Variants in SLC8B1 observed in about 807,000 individuals in gnomAD.
SLC8B1 encodes solute carrier family 8 member B1.
Under a neutral mutation model 63.4 loss-of-function variants are expected in SLC8B1, and 52 were observed. The observed-to-expected ratio is 0.82, with a 90% CI of 0.66 to 1.03. The LOEUF (loss-of-function observed/expected upper bound fraction) is 1.03, where lower values mean the gene tolerates loss of function less well. Ranked by LOEUF, SLC8B1 falls within the 50% of genes least tolerant of loss-of-function variation. The probability of loss-of-function intolerance (pLI) is 0.00; values close to 1 mark genes in which losing one functional copy is unlikely to be tolerated. For missense variants in SLC8B1, 657 were observed against 741.7 expected (o/e 0.89, Z 1.33); for synonymous variants, 336 against 323.9 (o/e 1.04, Z -0.40).
chr12:113,314,593 G>C (rs545310601), intron 11 of SLC8B1, among the ~76,000 whole-genome samples: 1 of 152,204 alleles, frequency 6.6e-6, no homozygotes, highest in Non-Finnish European at 1.5e-5. Context: ...GTGGGGACCA[G>C]CCAGGTCACA....
chr12:113,311,721 T>TA lies in SLC8B1; in HGVS notation c.1136-1367_1136-1366insT, dbSNP rs1491035671. On this transcript the variant is annotated intron_variant, in intron 11 of 15. Coordinates refer to ENST00000680972, the MANE Select transcript of SLC8B1 (RefSeq NM_001358345.2). Reference sequence around the variant, plus strand: ...GATTTTTTTTTTTTTTTTTTTTTTTTTAGACAGGGTCTCGATGTATCAACC... The same window carrying TA: ...GATTTTTTTTTTTTTTTTTTTTTTTTATAGACAGGGTCTCGATGTATCAACC... 5.5e-3 allele frequency among the ~76,000 whole-genome samples: 519 copies of TA among 94,528 alleles called. 3 individuals carry two copies. Among genetic ancestry groups the TA allele is most frequent in the African/African-American group, 0.026 (490 of 18,568 alleles). The allele number at this position is 94,528 out of a possible 152,430, so 62.0% of individuals were successfully genotyped here. A position where few individuals can be genotyped will look rare whatever the true frequency, so the allele number is the denominator to read the frequency against.
intron 15 of SLC8B1, among the ~76,000 whole-genome samples, chr12:113,303,991 C>A (rs11837933): frequency 6.6e-6 from 1 of 152,082 alleles, no homozygotes; most frequent in African/African-American, 2.4e-5. Context: ...AGTGATTCCC[C>A]TGCCTCAGCC....
rs1956539031 is a variant in SLC8B1, at chr12:113,299,497, T to G, written c.*280A>C. On this transcript the variant is annotated 3_prime_UTR_variant, in exon 16 of 16. Coordinates refer to ENST00000680972, the MANE Select transcript of SLC8B1 (RefSeq NM_001358345.2). ...ACTCCAGCCCTTCTCAGAGGGGCTC[T>G]GGGGGTCATTCAAGGGGGACTTCTA... 2.4e-6 allele frequency: 1 copy of G among 416,936 alleles called. No homozygotes were observed. 25.8% of individuals were successfully genotyped at this position (416,936 alleles called of 1,614,324 possible).
intron 8 of SLC8B1, 111 bp downstream of exon 8, chr12:113,318,850 AGAG>A (rs890358079): frequency 1.9e-5 from 14 of 738,510 alleles, no homozygotes; most frequent in Non-Finnish European, 2.3e-5. Flanking sequence ...AAGAGCATGA[AGAG>A]GAGATGAGCT....
intron 1 of SLC8B1, 150 bp from the exon 2 acceptor site, chr12:113,333,110 G>T: frequency 1.8e-6 from 1 of 565,290 alleles, no homozygotes; most frequent in East Asian, 3.0e-5. Flanking sequence ...GCACAGTCTC[G>T]CTGGAGGGGC....
intron 2 of SLC8B1, among the ~76,000 whole-genome samples, chr12:113,331,645 T>C (rs566288456): frequency 1.4e-4 from 22 of 152,324 alleles, no homozygotes; most frequent in Admixed American, 9.2e-4. Flanking sequence ...AAGGCTGCAC[T>C]GTCAGCTTCC....
At chr12:113,310,903 G>A (rs1385022867) in intron 11 of SLC8B1, among the ~76,000 whole-genome samples, 3 of 152,256 alleles carry the variant, frequency 2.0e-5, no homozygotes, top group Non-Finnish European at 4.4e-5. Flanking sequence ...ACCACTAGGA[G>A]TTGGTACTGG....
In SLC8B1 at chr12:113,304,026, G is replaced by A. The variant is rs150651301; in HGVS notation, c.1557+295C>T. Among the ~76,000 whole-genome samples, 846 of 152,190 alleles carry A rather than the reference G, an allele frequency of 5.6e-3. 8 individuals carry two copies. The highest frequency in any genetic ancestry group is 0.019 in the African/African-American group (784 of 41,510). ...CTCCCAAGTAGCTGAGATTACAGGT[G>A]TGCACCACCACACCTGACTAATTTT... On this transcript the variant is annotated intron_variant, in intron 15 of 15. Coordinates refer to ENST00000680972, the MANE Select transcript of SLC8B1 (RefSeq NM_001358345.2).
chr12:113,313,400 G>C (rs948025980), intron 11 of SLC8B1, among the ~76,000 whole-genome samples: 3 of 151,474 alleles, frequency 2.0e-5, no homozygotes, highest in Admixed American at 6.6e-5. Context: ...ATGGAGCCCA[G>C]AAGTTCAGGA....
intron 8 of SLC8B1, among the ~76,000 whole-genome samples, chr12:113,318,456 ATGTGTGCATGTATT>A (rs1232124741): frequency 1.3e-5 from 2 of 148,638 alleles, no homozygotes; most frequent in African/African-American, 5.0e-5. Context: ...TATGTGTTGT[ATGTGTGCATGTATT>A]TGTGTGCATG....
At chr12:113,318,443 GTGTA>G (rs1372547231) in intron 8 of SLC8B1, among the ~76,000 whole-genome samples, 1 of 151,210 alleles carries the variant, frequency 6.6e-6, no homozygotes, top group Admixed American at 6.6e-5. Flanking sequence ...ATACACGTAT[GTGTA>G]TGTGTTGTAT....
chr12:113,316,448 G>A lies in SLC8B1; in HGVS notation c.993+78C>T, dbSNP rs551012832. On this transcript the variant is annotated intron_variant, in intron 10 of 15. Coordinates refer to ENST00000680972, the MANE Select transcript of SLC8B1 (RefSeq NM_001358345.2). ...CAGTGGACCCCAGGCCCTCCCCCTCGTAGAGCTGGAGAGGGTAGCGTGGCC... is the reference window on the plus strand; with the variant it reads ...CAGTGGACCCCAGGCCCTCCCCCTCATAGAGCTGGAGAGGGTAGCGTGGCC... 43 of 1,526,786 alleles carry A rather than the reference G, an allele frequency of 2.8e-5. No individual in the cohort carries two copies. In the African/African-American group the frequency reaches 4.3e-4, roughly 15 times the overall value. 94.6% of individuals were successfully genotyped at this position (1,526,786 alleles called of 1,614,324 possible).
chr12:113,318,616 T>G (rs1956877513), intron 8 of SLC8B1, among the ~76,000 whole-genome samples: 1 of 152,226 alleles, frequency 6.6e-6, no homozygotes. Flanking sequence ...ATTGATTTCT[T>G]TGTATTTATT....
chr12:113,332,815 C>A lies in SLC8B1; in HGVS notation c.64G>T (p.Glu22Ter), dbSNP rs745927640. ...LSVLCVLLMAETVSGTRGSST... is the reference protein window; with the variant it reads ...LSVLCVLLMA The stretch of plus-strand genomic sequence containing the variant: ...GAGCCCCTAGTCCCAGACACTGTCT[C>A]CGCCATTAGCAGCACACAAAGCACA... The change falls in exon 2 of 16, where the codon GAG becomes TAG. Residue 22 changes from glutamate (E) to a stop codon, truncating the protein, a stop_gained. Transcript: ENST00000680972. LOFTEE classifies it high-confidence loss of function. 4 of 1,614,216 alleles carry A rather than the reference C, an allele frequency of 2.5e-6. No homozygotes were observed. The South Asian group carries it at 4.4e-5, about 18-fold the overall frequency.
At chr12:113,306,023 C>T (rs1027699017) in intron 14 of SLC8B1, among the ~76,000 whole-genome samples, 3 of 143,058 alleles carry the variant, frequency 2.1e-5, no homozygotes, top group African/African-American at 7.9e-5. Context: ...CACGCCACCG[C>T]ACTCCAGCCT....
intron 10 of SLC8B1, 122 bp from the exon 11 acceptor site, chr12:113,315,598 G>T: frequency 8.0e-7 from 1 of 1,248,008 alleles, no homozygotes; most frequent in Non-Finnish European, 1.1e-6. Flanking sequence ...CTGTGTGCGG[G>T]TTCCAGGCTA....
chr12:113,307,651 C>T (rs756663752), intron 13 of SLC8B1, 40 bp downstream of exon 13: 36 of 1,595,670 alleles, frequency 2.3e-5, no homozygotes, highest in Admixed American at 6.9e-5. Flanking sequence ...AAGATGTGGC[C>T]GCACTCACCC....
intron 15 of SLC8B1, among the ~76,000 whole-genome samples, chr12:113,300,643 C>A (rs575879139): frequency 6.6e-6 from 1 of 152,342 alleles, no homozygotes; most frequent in South Asian, 2.1e-4. Flanking sequence ...GACGTGGCCC[C>A]AGAAGTTTCC....
chr12:113,329,594 G>A (rs1368402158), intron 2 of SLC8B1, among the ~76,000 whole-genome samples: 3 of 152,088 alleles, frequency 2.0e-5, no homozygotes, highest in Non-Finnish European at 4.4e-5. Context: ...CCAGCTCTCT[G>A]CTCAAGAGAG....
Sources: gnomAD v4.1 joint callset for allele counts (sites outside exome capture counted in the v4.1 genomes callset) on GRCh38, gnomAD v4.1.1 for gene constraint, MANE v1.5 for transcripts, NCBI Gene and HGNC (gene_info 2026-07-23, HGNC 2026-07-21) for gene names.